Variants in C15orf40 observed in about 807,000 individuals in gnomAD.
C15orf40 encodes UPF0235 protein C15orf40.
A neutral mutation model predicts 13.9 loss-of-function variants in C15orf40; 9 were observed. That is an observed-to-expected ratio of 0.65 (90% CI 0.39 to 1.13). C15orf40 has a LOEUF of 1.13. Ranked by LOEUF, C15orf40 falls within the 50% of genes most tolerant of loss-of-function variation. C15orf40 has a pLI of 0.01. For missense variants in C15orf40, 225 were observed against 188.5 expected (o/e 1.19, Z -1.13); for synonymous variants, 95 against 69.2 (o/e 1.37, Z -1.85).
intron 3 of C15orf40, 157 bp downstream of exon 3, chr15:83,008,391 C>T (rs781228304): frequency 1.1e-5 from 7 of 653,848 alleles, no homozygotes; most frequent in African/African-American, 7.4e-5. Context: ...TGGTGGCATG[C>T]GCCTATAATC....
chr15:82,992,093 G>A (rs145410388), downstream of C15orf40: 2,658 of 405,130 alleles, frequency 6.6e-3, 145 homozygotes, highest in Admixed American at 0.071. Flanking sequence ...GTGCACGCCT[G>A]TAGTCCTAGC....
rs2031332835 is a variant in C15orf40, at chr15:82,999,748, T to C, written c.*5849A>G. 1 of 152,126 alleles carries C rather than the reference T, an allele frequency of 6.6e-6. No homozygotes were observed. Among genetic ancestry groups the C allele is most frequent in the South Asian group, 2.1e-4 (1 of 4,826 alleles). 9.4% of individuals were successfully genotyped at this position (152,126 alleles called of 1,614,324 possible). ...GCGATAGTAAAAACACATCACAGAT[T>C]AGTTTTCTGTAGAAATGACCAGGGA... On this transcript the variant is annotated 3_prime_UTR_variant, in exon 4 of 4. Transcript: ENST00000304177.
rs1305372088 is a variant in C15orf40, at chr15:83,001,461, A to C, written c.*4136T>G. The C allele has an allele frequency of 1.2e-5, 3 of 253,376 alleles. No homozygotes were observed. The highest frequency in any genetic ancestry group is 1.9e-5 in the Non-Finnish European group (3 of 160,926). 15.7% of individuals were successfully genotyped at this position (253,376 alleles called of 1,614,324 possible). ...TAAATATTTTTCAAACCTTATTCAT[A>C]GGCTGCTTCAAATCCAGGATTCTCA... On this transcript the variant is annotated 3_prime_UTR_variant, in exon 4 of 4. Transcript: ENST00000304177.
chr15:83,006,047 T>C (rs2031662860), intron 3 of C15orf40, among the ~76,000 whole-genome samples: 1 of 151,968 alleles, frequency 6.6e-6, no homozygotes, highest in Non-Finnish European at 1.5e-5. Context: ...CTGACCAACA[T>C]GGTGAAACCC....
intron 3 of C15orf40, chr15:83,006,507 C>A (rs2031686144): frequency 1.0e-6 from 1 of 980,488 alleles, no homozygotes; most frequent in South Asian, 4.7e-5. Flanking sequence ...CACCTGTAAT[C>A]CTAGCACTCT....
rs1179232421 is a variant in C15orf40 at position 82,996,097 on chromosome 15, A to G, written c.*9500T>C. On this transcript the variant is annotated 3_prime_UTR_variant, in exon 4 of 4. Transcript: ENST00000304177. ...TTCACTCCTTTCCCTCAGGGACACG[A>G]GAGCCCTATGTATTAATTACCAGTT... 1 of 152,238 alleles carries G rather than the reference A, an allele frequency of 6.6e-6. No individual in the cohort carries two copies. Among genetic ancestry groups the G allele is most frequent in the Non-Finnish European group, 1.5e-5 (1 of 68,046 alleles). The allele number at this position is 152,238 out of a possible 1,614,324, so 9.4% of individuals were successfully genotyped here. A position where few individuals can be genotyped will look rare whatever the true frequency, so the allele number is the denominator to read the frequency against.
chr15:82,992,049 C>A (rs57779835), downstream of C15orf40: 1 of 562,336 alleles, frequency 1.8e-6, no homozygotes, highest in East Asian at 6.8e-5. Context: ...GATCCTGTCT[C>A]TACAGAAAAT....
intron 3 of C15orf40, chr15:83,006,637 A>G (rs2031695229): frequency 5.8e-6 from 1 of 173,554 alleles, no homozygotes; most frequent in African/African-American, 2.5e-5. Context: ...CTCCAATCCC[A>G]GCTACTCGGG....
downstream of C15orf40, among the ~76,000 whole-genome samples, chr15:82,992,898 C>A (rs1258101698): frequency 1.3e-5 from 2 of 152,098 alleles, no homozygotes; most frequent in African/African-American, 2.4e-5. Context: ...ACCCCTGCCC[C>A]TGATCTGCTT....
chr15:83,004,301 C>A lies in C15orf40; in HGVS notation c.*1296G>T. On this transcript the variant is annotated 3_prime_UTR_variant, in exon 4 of 4. Coordinates refer to ENST00000304177, the MANE Select transcript of C15orf40 (RefSeq NM_144597.3). Reference sequence around the variant, plus strand: ...ACCATCAGCAATTTTTATTATTGTTCTTCCTTGTGGATTTTGTTTTTAATG... The same window carrying A: ...ACCATCAGCAATTTTTATTATTGTTATTCCTTGTGGATTTTGTTTTTAATG... 1 of 984,940 alleles carries A rather than the reference C, an allele frequency of 1.0e-6. No homozygotes were observed. The highest frequency in any genetic ancestry group is 6.1e-5 in the Admixed American group (1 of 16,274). The allele number at this position is 984,940 out of a possible 1,614,324, so 61.0% of individuals were successfully genotyped here. A position where few individuals can be genotyped will look rare whatever the true frequency, so the allele number is the denominator to read the frequency against.
At chr15:82,990,011 C>T (rs754187287), downstream of C15orf40, 3 of 1,579,724 alleles carry the variant, frequency 1.9e-6, no homozygotes, top group East Asian at 4.5e-5. Context: ...ACCTTACTAT[C>T]CCCAGCAATA....
In C15orf40 at chr15:83,004,777, AAG is replaced by A; in HGVS notation, c.*818_*819del. On this transcript the variant is annotated 3_prime_UTR_variant, in exon 4 of 4. Coordinates refer to ENST00000304177, the MANE Select transcript of C15orf40 (RefSeq NM_144597.3). ...AAATAAGCATTTAAAAATCTAAGGT[AAG>A]ACTACAAAGCAGCATAACAGGTTTT... 5.7e-6 allele frequency: 6 copies of A among 1,052,418 alleles called. No homozygotes were observed. In the South Asian group the frequency reaches 1.9e-4, roughly 33 times the overall value. 65.2% of individuals were successfully genotyped at this position (1,052,418 alleles called of 1,614,324 possible). A position where few individuals can be genotyped will look rare whatever the true frequency, so the allele number is the denominator to read the frequency against.
downstream of C15orf40, chr15:82,990,292 CTTT>C: frequency 4.2e-6 from 1 of 240,142 alleles, no homozygotes; most frequent in Non-Finnish European, 6.7e-6. Flanking sequence ...TCAGAATCTT[CTTT>C]GTTTCATGAC....
intron 3 of C15orf40, chr15:83,008,177 G>C (rs985397400): frequency 4.3e-6 from 1 of 230,674 alleles, no homozygotes; most frequent in Non-Finnish European, 8.7e-6. Context: ...GGACAACAGA[G>C]CGAGACTCCG....
Position 83,001,542 on chromosome 15 carries a change from A to C in C15orf40, c.*4055T>G, listed in dbSNP as rs1303123580. The C allele has an allele frequency of 6.5e-6, 1 of 153,422 alleles. No individual in the cohort carries two copies. Among genetic ancestry groups the C allele is most frequent in the Non-Finnish European group, 1.4e-5 (1 of 69,140 alleles). The allele number at this position is 153,422 out of a possible 1,614,324, so 9.5% of individuals were successfully genotyped here. ...TCAAGTCACTATAGACTGCCTAGCC[A>C]GTACTCACTTGAAATTAATGGGAGT... On this transcript the variant is annotated 3_prime_UTR_variant, in exon 4 of 4. Coordinates refer to ENST00000304177, the MANE Select transcript of C15orf40 (RefSeq NM_144597.3).
intron 3 of C15orf40, 89 bp from the exon 4 acceptor site, chr15:83,005,781 C>T: frequency 1.4e-6 from 2 of 1,451,728 alleles, no homozygotes; most frequent in Admixed American, 2.5e-5. Context: ...AATGGGCTCT[C>T]CTGATGGCTT....
downstream of C15orf40, among the ~76,000 whole-genome samples, chr15:82,991,759 A>G (rs1434660551): frequency 6.6e-6 from 1 of 152,186 alleles, no homozygotes; most frequent in Non-Finnish European, 1.5e-5. Context: ...TGCAAATACA[A>G]TTTTAATAGT....
chr15:83,008,560 C>T lies in C15orf40; in HGVS notation c.354G>A (p.Val118=), dbSNP rs747542516. The T allele has an allele frequency of 6.2e-7, 1 of 1,613,616 alleles. No homozygotes were observed. The change falls in exon 3 of 4, where the codon GTG becomes GTA. Residue 118 remains valine, a synonymous_variant. Transcript: ENST00000304177. ...GAGCGAGACCTACCTTATCCAAAACCACATCACTCTTCCTGAGTTCTAGGA... is the reference window on the plus strand; with the variant it reads ...GAGCGAGACCTACCTTATCCAAAACTACATCACTCTTCCTGAGTTCTAGGA... The part of the protein sequence containing the change: ...SKVLELRKSD[V]VLDKGGKSRE...
At position 83,011,601 on chromosome 15, in the gene C15orf40, G is replaced by T. The variant is rs759158442; in HGVS notation, c.7C>A (p.Arg3=). ML[R]LRSGLRHLRA... ...AGGTGCCTCAGCCCGCTGCGGAGCC[G>T]CAGCATCCCCGCCTGGGAAGGCGCC... The change falls in exon 1 of 4, where the codon CGG becomes AGG. Residue 3 remains arginine, a synonymous_variant. Transcript: ENST00000304177. 4 of 1,582,526 alleles carry T rather than the reference G, an allele frequency of 2.5e-6. No individual in the cohort carries two copies. The highest frequency in any genetic ancestry group is 2.6e-6 in the Non-Finnish European group (3 of 1,168,242).
Sources: allele counts gnomAD v4.1 joint callset (sites outside exome capture counted in the v4.1 genomes callset), GRCh38; gene constraint gnomAD v4.1.1; transcripts MANE v1.5; gene names NCBI Gene and HGNC (gene_info 2026-07-23, HGNC 2026-07-21).